Variants in GPR158 observed in about 807,000 individuals in gnomAD.
GPR158 encodes the protein metabotropic glycine receptor.
GPR158 carries 30 observed loss-of-function variants against 78.2 expected under a neutral mutation model. The observed-to-expected ratio is 0.38, with a 90% CI of 0.29 to 0.52. The LOEUF (loss-of-function observed/expected upper bound fraction) is 0.52, where lower values mean the gene tolerates loss of function less well. GPR158 is among the 20% of genes least tolerant of loss of function. The pLI, the probability that GPR158 is intolerant of heterozygous loss-of-function variation, is 0.83. For missense variants in GPR158, 1,463 were observed against 1,523.5 expected (o/e 0.96, Z 0.66); for synonymous variants, 581 against 591.1 (o/e 0.98, Z 0.25).
chr10:25,435,734 T>G (rs961819131), intron 4 of GPR158, among the ~76,000 whole-genome samples: 6 of 152,204 alleles, frequency 3.9e-5, no homozygotes, highest in Non-Finnish European at 7.3e-5. Context: ...TCCTGTTGAT[T>G]GATTATTAAA....
At chr10:25,177,707 A>G (rs1852558393) in intron 1 of GPR158, among the ~76,000 whole-genome samples, 1 of 152,228 alleles carries the variant, frequency 6.6e-6, no homozygotes, top group Non-Finnish European at 1.5e-5. Flanking sequence ...CCATCCAGTT[A>G]TCAAGTTTTG....
Position 25,359,209 on chromosome 10 carries a change from A to G in GPR158, c.1009-36702A>G, listed in dbSNP as rs566876220. ...ATTGATTGACCATTTTGTGACACATACACACACATATATATTTATAGTAAA... is the reference window on the plus strand; with the variant it reads ...ATTGATTGACCATTTTGTGACACATGCACACACATATATATTTATAGTAAA... On this transcript the variant is annotated intron_variant, in intron 2 of 10. Coordinates refer to ENST00000376351, the MANE Select transcript of GPR158 (RefSeq NM_020752.3). Among the ~76,000 whole-genome samples, 4 of 152,170 alleles carry G rather than the reference A, an allele frequency of 2.6e-5. No individual in the cohort carries two copies. In the East Asian group the frequency reaches 7.8e-4, roughly 30 times the overall value.
chr10:25,545,371 G>GTTTCCTGACTTTCTAATGATTGTCATTCT (rs1237679104), intron 5 of GPR158, among the ~76,000 whole-genome samples: 3 of 152,116 alleles, frequency 2.0e-5, no homozygotes, highest in African/African-American at 4.8e-5. Context: ...AGGATCTGTT[G>GTTTCCTGACTTTCTAATGATTGTCATTCT]TTTCCTGACT....
At chr10:25,407,522 C>T (rs1040311010) in intron 3 of GPR158, among the ~76,000 whole-genome samples, 2 of 152,234 alleles carry the variant, frequency 1.3e-5, no homozygotes, top group African/African-American at 4.8e-5. Flanking sequence ...CCACTTGGAT[C>T]TCAAGTAGAC....
At position 25,412,353 on chromosome 10, in the gene GPR158, C is replaced by T. The variant is rs748595841; in HGVS notation, c.1215C>T (p.Asp405=). 2.5e-6 allele frequency: 4 copies of T among 1,613,574 alleles called. No individual in the cohort carries two copies. ...AGGGCTGCCCCTTCTGTGCTGATGA[C>T]AGCCCATGCTTCGTCCAGGAAGATA... The part of the protein sequence containing the change: ...CREGCPFCAD[D]SPCFVQEDKY... Residue 405 remains aspartate (D), a synonymous_variant, in exon 4 of 11, where the codon GAC becomes GAT. Coordinates refer to ENST00000376351, the MANE Select transcript of GPR158 (RefSeq NM_020752.3).
intron 2 of GPR158, among the ~76,000 whole-genome samples, chr10:25,229,312 C>G (rs376432963): frequency 6.6e-6 from 1 of 152,094 alleles, no homozygotes; most frequent in African/African-American, 2.4e-5. Context: ...GGATTACTAA[C>G]GCAAATAACC....
At chr10:25,567,906 C>T (rs928778421) in intron 6 of GPR158, among the ~76,000 whole-genome samples, 59 of 151,876 alleles carry the variant, frequency 3.9e-4, no homozygotes, top group Admixed American at 3.3e-4. Flanking sequence ...AGTTGGTGGC[C>T]AGGAGCTGTA....
intron 7 of GPR158, among the ~76,000 whole-genome samples, chr10:25,581,426 T>TAC (rs1029623481): frequency 6.6e-6 from 1 of 152,216 alleles, no homozygotes; most frequent in African/African-American, 2.4e-5. Flanking sequence ...GGCTTAGGGC[T>TAC]ACATCACTAA....
At chr10:25,224,076 C>T (rs562586563) in intron 2 of GPR158, among the ~76,000 whole-genome samples, 97 of 152,236 alleles carry the variant, frequency 6.4e-4, no homozygotes, top group Non-Finnish European at 1.1e-3. Context: ...AATAATCTCT[C>T]AGTGAGTTTA....
chr10:25,247,601 T>A (rs1215903976), intron 2 of GPR158, among the ~76,000 whole-genome samples: 1 of 138,108 alleles, frequency 7.2e-6, no homozygotes, highest in Non-Finnish European at 1.5e-5. Context: ...TTACTGAGAA[T>A]GATGATTTCC....
chr10:25,368,844 C>T (rs975591994), intron 2 of GPR158, among the ~76,000 whole-genome samples: 1 of 144,150 alleles, frequency 6.9e-6, no homozygotes, highest in African/African-American at 2.6e-5. Context: ...CTTTTATTTC[C>T]TTGAGCAGTG....
chr10:25,545,627 T>C (rs1836653311), intron 5 of GPR158, among the ~76,000 whole-genome samples: 1 of 152,176 alleles, frequency 6.6e-6, no homozygotes, highest in Admixed American at 6.5e-5. Context: ...TCTAATCTCA[T>C]TTTTGATTTT....
chr10:25,372,118 C>T (rs1834003521), intron 2 of GPR158, among the ~76,000 whole-genome samples: 2 of 151,226 alleles, frequency 1.3e-5, no homozygotes, highest in Non-Finnish European at 3.0e-5. Flanking sequence ...TGCTCATCAT[C>T]ACTGGCCATC....
intron 5 of GPR158, among the ~76,000 whole-genome samples, chr10:25,503,270 A>T (rs1239672455): frequency 3.3e-5 from 5 of 152,002 alleles, no homozygotes; most frequent in African/African-American, 4.8e-5. Context: ...CTAGCTACTT[A>T]GGAGGCTGAG....
At chr10:25,190,113 AT>A (rs1436501835) in intron 1 of GPR158, among the ~76,000 whole-genome samples, 1 of 152,244 alleles carries the variant, frequency 6.6e-6, no homozygotes, top group East Asian at 1.9e-4. Context: ...GTTCTTGATG[AT>A]TTAATCATTA....
At chr10:25,412,563 C>A (rs1834607019) in intron 4 of GPR158, 90 bp downstream of exon 4, 7 of 813,110 alleles carry the variant, frequency 8.6e-6, no homozygotes, top group South Asian at 7.7e-5. Context: ...CAAGTTGCTT[C>A]CCTCCTAAGC....
At chr10:25,467,099 G>A (rs775725373) in intron 5 of GPR158, among the ~76,000 whole-genome samples, 1 of 152,100 alleles carries the variant, frequency 6.6e-6, no homozygotes, top group Non-Finnish European at 1.5e-5. Flanking sequence ...AATCAGATTC[G>A]AGCAATACGT....
At chr10:25,473,034 ATT>A (rs1379546183) in intron 5 of GPR158, among the ~76,000 whole-genome samples, 1 of 151,896 alleles carries the variant, frequency 6.6e-6, no homozygotes, top group Non-Finnish European at 1.5e-5. Context: ...TCTTGTGCCA[ATT>A]TTCAAAGGGA....
chr10:25,535,693 A>G (rs923831077), intron 5 of GPR158, among the ~76,000 whole-genome samples: 7 of 152,140 alleles, frequency 4.6e-5, no homozygotes, highest in African/African-American at 1.7e-4. Context: ...TAGATAATGA[A>G]TGCACCTTGA....
Sources: gnomAD v4.1 joint callset for allele counts (sites outside exome capture counted in the v4.1 genomes callset) on GRCh38, gnomAD v4.1.1 for gene constraint, MANE v1.5 for transcripts, NCBI Gene and HGNC (gene_info 2026-07-23, HGNC 2026-07-21) for gene names.